The following GGT1 variants were observed in gnomAD, a reference collection of about 807,000 sequenced individuals.
GGT1 encodes the protein gamma-glutamyltransferase 1.
In GGT1, 21 loss-of-function variants were observed where a neutral mutation model predicts 56.0. The ratio of observed to expected loss-of-function variants is 0.38; its 90% CI spans 0.27 to 0.54. The LOEUF (loss-of-function observed/expected upper bound fraction) is 0.54, where lower values mean the gene tolerates loss of function less well. GGT1 is among the 20% of genes least tolerant of loss of function. The pLI is 0.82. For synonymous variants in GGT1, 238 were observed against 342.6 expected (o/e 0.69, Z 3.37); for missense variants, 466 against 787.0 (o/e 0.59, Z 4.88).
intron 1 of GGT1, among the ~76,000 whole-genome samples, chr22:24,606,808 G>A (rs1298030663): frequency 6.6e-6 from 1 of 151,766 alleles, no homozygotes; most frequent in Non-Finnish European, 1.5e-5. Context: ...GGGGCAGCCT[G>A]GAAGCATGAT....
upstream of GGT1, among the ~76,000 whole-genome samples, chr22:24,601,749 A>G (rs936965787): frequency 6.6e-6 from 1 of 152,232 alleles, no homozygotes; most frequent in Non-Finnish European, 1.5e-5. Flanking sequence ...TAAGGAGATG[A>G]AAGTCACTAG....
chr22:24,622,260 T>C, intron 9 of GGT1, among the ~76,000 whole-genome samples: 1 of 150,224 alleles, frequency 6.7e-6, no homozygotes, highest in Non-Finnish European at 1.5e-5. Context: ...CAAAGCATAG[T>C]GAAAAGAAAT....
At chr22:24,584,032 A>G in the GGT1 span, among the ~76,000 whole-genome samples, 4 of 152,216 alleles carry the variant, frequency 2.6e-5, no homozygotes, top group Non-Finnish European at 5.9e-5. Flanking sequence ...CACAGAATAA[A>G]TGTATGTTGG....
At chr22:24,588,456 GC>G in the GGT1 span, 1 of 791,062 alleles carries the variant, frequency 1.3e-6, no homozygotes, top group Non-Finnish European at 2.0e-6. Context: ...TCACCGAGTT[GC>G]CCACCAGGGC....
upstream of GGT1, chr22:24,603,006 C>T (rs2045809706): frequency 6.6e-6 from 1 of 152,286 alleles, no homozygotes; most frequent in South Asian, 2.1e-4. Context: ...TGAGACCCCA[C>T]CGGGCTCAGA....
intron 2 of GGT1, among the ~76,000 whole-genome samples, chr22:24,608,625 T>A (rs1460734146): frequency 6.6e-6 from 1 of 152,242 alleles, no homozygotes; most frequent in East Asian, 1.9e-4. Context: ...CCCTGCCCCA[T>A]GACTTGTGGT....
At chr22:24,604,191 G>A (rs1309673839) in intron 1 of GGT1, among the ~76,000 whole-genome samples, 1 of 151,904 alleles carries the variant, frequency 6.6e-6, no homozygotes, top group East Asian at 1.9e-4. Context: ...GGGGCTGGCA[G>A]GGTAAGGGGT....
chr22:24,589,568 C>G, the GGT1 span: 2 of 482,718 alleles, frequency 4.1e-6, no homozygotes, highest in African/African-American at 4.1e-5. Flanking sequence ...GCCTGGTGCA[C>G]AGTGCTGCCA....
upstream of GGT1, among the ~76,000 whole-genome samples, chr22:24,602,480 C>G (rs1401396791): frequency 6.6e-6 from 1 of 152,190 alleles, no homozygotes; most frequent in Non-Finnish European, 1.5e-5. Context: ...GGACCTCGAT[C>G]TGAGGGCTTA....
At chr22:24,585,739 G>T in the GGT1 span, 1 of 950,234 alleles carries the variant, frequency 1.1e-6, no homozygotes, top group Non-Finnish European at 1.5e-6. Flanking sequence ...GGCCACCTAT[G>T]AGTCCATTCT....
upstream of GGT1, chr22:24,589,956 G>A (rs373467667): frequency 4.1e-5 from 65 of 1,581,328 alleles, no homozygotes; most frequent in Non-Finnish European, 5.1e-5. Flanking sequence ...GGTCCTGTGA[G>A]TGGTGAAGAG....
chr22:24,588,905 C>A, the GGT1 span: 1 of 1,002,940 alleles, frequency 1.0e-6, no homozygotes, highest in Non-Finnish European at 1.2e-6. Flanking sequence ...CGGCAGAGGC[C>A]CAGCTCAGGG....
At chr22:24,611,535 CTATCTATCATCTATCTATCT>C (rs1461607639) in intron 5 of GGT1, among the ~76,000 whole-genome samples, 1,502 of 131,396 alleles carry the variant, frequency 0.011, 33 homozygotes, top group African/African-American at 0.043. Flanking sequence ...ATCTATCTAT[CTATCTATCATCTATCTATCT>C]ATCTATCTAT....
chr22:24,587,987 G>A, the GGT1 span, among the ~76,000 whole-genome samples: 30 of 152,320 alleles, frequency 2.0e-4, no homozygotes, highest in African/African-American at 5.3e-4. Flanking sequence ...AGGCAGGACC[G>A]TCCTGTGGGA....
At chr22:24,598,426 C>T (rs139274097), upstream of GGT1, among the ~76,000 whole-genome samples, 1,425 of 123,036 alleles carry the variant, frequency 0.012, 20 homozygotes, top group African/African-American at 0.044. Flanking sequence ...GGCAACAGAG[C>T]GAGACTGAGA....
At chr22:24,616,149 T>C (rs1209327625) in intron 7 of GGT1, among the ~76,000 whole-genome samples, 9 of 150,322 alleles carry the variant, frequency 6.0e-5, no homozygotes, top group Non-Finnish European at 1.0e-4. Context: ...TTTCACAGGC[T>C]CACGCCTGTA....
upstream of GGT1, chr22:24,598,194 T>C (rs1268959225): frequency 6.6e-6 from 1 of 152,056 alleles, no homozygotes; most frequent in African/African-American, 2.4e-5. Flanking sequence ...TCCCAGCACT[T>C]TGGGAGGTCG....
At chr22:24,600,097 T>C (rs2045759140), upstream of GGT1, among the ~76,000 whole-genome samples, 1 of 152,070 alleles carries the variant, frequency 6.6e-6, no homozygotes, top group Admixed American at 6.5e-5. Context: ...CTGTGGAGGG[T>C]GCCTTGGGCA....
At chr22:24,598,959 GTC>G (rs1264069156), upstream of GGT1, among the ~76,000 whole-genome samples, 4 of 152,060 alleles carry the variant, frequency 2.6e-5, no homozygotes, top group Non-Finnish European at 5.9e-5. Flanking sequence ...TAAAGACAGG[GTC>G]TCTCTATGTT....
Sources: allele counts gnomAD v4.1 joint callset (sites outside exome capture counted in the v4.1 genomes callset), GRCh38; gene constraint gnomAD v4.1.1; transcripts MANE v1.5; gene names NCBI Gene and HGNC (gene_info 2026-07-23, HGNC 2026-07-21).